KBTBD2: variants seen among roughly 807,000 people sequenced by gnomAD.
KBTBD2 encodes the protein kelch repeat and BTB domain containing 2, also known as kelch repeat and BTB domain-containing protein 2.
In KBTBD2, 17 loss-of-function variants were observed where a neutral mutation model predicts 57.1. The observed-to-expected ratio is 0.30, with a 90% CI of 0.20 to 0.45. KBTBD2 has a LOEUF of 0.45. Ranked by LOEUF, KBTBD2 falls within the 20% of genes least tolerant of loss-of-function variation. The pLI, the probability that KBTBD2 is intolerant of heterozygous loss-of-function variation, is 1.00. For missense variants in KBTBD2, 515 were observed against 750.6 expected (o/e 0.69, Z 3.67); for synonymous variants, 267 against 262.7 (o/e 1.02, Z -0.16).
At chr7:32,890,622 G>A (rs576936712) in intron 1 of KBTBD2, among the ~76,000 whole-genome samples, 15 of 152,208 alleles carry the variant, frequency 9.9e-5, no homozygotes, top group African/African-American at 3.4e-4. Context: ...CCGACGTACA[G>A]ATTCAAGTAT....
intron 2 of KBTBD2, among the ~76,000 whole-genome samples, chr7:32,877,109 C>G (rs1223930161): frequency 6.6e-6 from 1 of 152,136 alleles, no homozygotes; most frequent in Non-Finnish European, 1.5e-5. Context: ...ACACCCAACT[C>G]CCAGGTTCAA....
upstream of KBTBD2, chr7:32,891,790 C>G (rs866854132): frequency 2.0e-5 from 3 of 151,464 alleles, no homozygotes; most frequent in African/African-American, 7.3e-5. Flanking sequence ...CCTCAGGGCC[C>G]GACCACCGCC....
chr7:32,888,214 C>CT (rs745483964), intron 1 of KBTBD2, among the ~76,000 whole-genome samples: 83 of 150,722 alleles, frequency 5.5e-4, no homozygotes, highest in African/African-American at 1.7e-3. Flanking sequence ...ATAATTTTTC[C>CT]TTTTTTTTTC....
chr7:32,872,840 TAAAATCTGAA>T (rs1784214871), intron 3 of KBTBD2, among the ~76,000 whole-genome samples: 1 of 152,192 alleles, frequency 6.6e-6, no homozygotes, highest in Admixed American at 6.5e-5. Context: ...GCAAATATCC[TAAAATCTGAA>T]AAAATCTGAA....
At chr7:32,873,990 T>C (rs2127950009) in intron 3 of KBTBD2, among the ~76,000 whole-genome samples, 1 of 152,272 alleles carries the variant, frequency 6.6e-6, no homozygotes, top group South Asian at 2.1e-4. Context: ...GGGCCAGGCA[T>C]GGTGGTTCAT....
chr7:32,889,851 T>A (rs1784685438), intron 1 of KBTBD2, among the ~76,000 whole-genome samples: 1 of 152,220 alleles, frequency 6.6e-6, no homozygotes, highest in Admixed American at 6.5e-5. Context: ...AATGTTATCA[T>A]TTGGCTTTTA....
intron 1 of KBTBD2, among the ~76,000 whole-genome samples, chr7:32,889,064 A>T (rs994029394): frequency 6.6e-5 from 10 of 152,190 alleles, no homozygotes; most frequent in African/African-American, 2.4e-4. Flanking sequence ...AGTAAATCCC[A>T]GCACTTTGGG....
At chr7:32,881,227 C>T (rs1301445922) in intron 1 of KBTBD2, among the ~76,000 whole-genome samples, 1 of 151,424 alleles carries the variant, frequency 6.6e-6, no homozygotes, top group East Asian at 1.9e-4. Context: ...AAAACCTAGG[C>T]TTTAGTCATA....
At chr7:32,876,000 T>A (rs1018905729) in intron 2 of KBTBD2, among the ~76,000 whole-genome samples, 6 of 152,218 alleles carry the variant, frequency 3.9e-5, no homozygotes, top group African/African-American at 1.4e-4. Context: ...ATTATATACT[T>A]AAAATGGGTA....
intron 1 of KBTBD2, among the ~76,000 whole-genome samples, chr7:32,886,761 T>C (rs1290604670): frequency 6.6e-6 from 1 of 152,232 alleles, no homozygotes; most frequent in Non-Finnish European, 1.5e-5. Context: ...CCTGAAAGTC[T>C]ATCAGCAAAG....
intron 2 of KBTBD2, among the ~76,000 whole-genome samples, chr7:32,878,491 A>G (rs1003554425): frequency 6.6e-6 from 1 of 152,044 alleles, no homozygotes; most frequent in African/African-American, 2.4e-5. Flanking sequence ...GAGGCAGCAG[A>G]ATCACTTGAA....
rs1218576745 is a variant in KBTBD2, at chr7:32,869,285, T to TGTTTA, written c.*55_*59dup. The TGTTTA allele has an allele frequency of 6.2e-5, 78 of 1,259,570 alleles. No homozygotes were observed. In the African/African-American group the frequency reaches 1.1e-3, roughly 17 times the overall value. 78.0% of individuals were successfully genotyped at this position (1,259,570 alleles called of 1,614,324 possible). On this transcript the variant is annotated 3_prime_UTR_variant, in exon 4 of 4. Coordinates refer to ENST00000304056, the MANE Select transcript of KBTBD2 (RefSeq NM_015483.3). Reference sequence around the variant, plus strand: ...TATTTAGTTCTTTCATAGCCTCTTTTGTTTAGCAAAGAAAATGACAAAGCA... The same window carrying TGTTTA: ...TATTTAGTTCTTTCATAGCCTCTTTTGTTTAGTTTAGCAAAGAAAATGACAAAGCA...
At position 32,869,154 on chromosome 7, in the gene KBTBD2, T is replaced by C. The variant is rs778936704; in HGVS notation, c.*191A>G. On this transcript the variant is annotated 3_prime_UTR_variant, in exon 4 of 4. Coordinates refer to ENST00000304056, the MANE Select transcript of KBTBD2 (RefSeq NM_015483.3). ...TTATTGAATAATCTATTTCATATTATGGAAGCATATCTTTCTGTAAGACTC... is the reference window on the plus strand; with the variant it reads ...TTATTGAATAATCTATTTCATATTACGGAAGCATATCTTTCTGTAAGACTC... 2.5e-4 allele frequency: 130 copies of C among 515,786 alleles called. No individual in the cohort carries two copies. The highest frequency in any genetic ancestry group is 3.7e-4 in the Non-Finnish European group (109 of 294,370). The allele number at this position is 515,786 out of a possible 1,614,324, so 32.0% of individuals were successfully genotyped here.
chr7:32,874,091 T>C (rs1784249129), intron 3 of KBTBD2, among the ~76,000 whole-genome samples: 1 of 151,896 alleles, frequency 6.6e-6, no homozygotes, highest in Admixed American at 6.6e-5. Context: ...AGTGAGATCG[T>C]GTCTCTACAA....
chr7:32,886,906 A>G (rs981219611), intron 1 of KBTBD2, among the ~76,000 whole-genome samples: 9 of 152,012 alleles, frequency 5.9e-5, no homozygotes, highest in African/African-American at 2.2e-4. Flanking sequence ...AAATTTTTAA[A>G]AAATCCCAAA....
At chr7:32,880,550 T>TA (rs398066755) in intron 1 of KBTBD2, among the ~76,000 whole-genome samples, 73,720 of 146,682 alleles carry the variant, frequency 0.5, 20,274 homozygotes, top group Admixed American at 0.65. Context: ...ATATTTTACT[T>TA]AAAAAAAAAA....
At chr7:32,889,253 C>G (rs1172211660) in intron 1 of KBTBD2, among the ~76,000 whole-genome samples, 2 of 150,256 alleles carry the variant, frequency 1.3e-5, no homozygotes, top group African/African-American at 2.5e-5. Flanking sequence ...ATCGCGCCAC[C>G]GCACTCCAGC....
At position 32,869,187 on chromosome 7, in the gene KBTBD2, T is replaced by A; in HGVS notation, c.*158A>T. On this transcript the variant is annotated 3_prime_UTR_variant, in exon 4 of 4. Transcript: ENST00000304056. The stretch of plus-strand genomic sequence containing the variant: ...TATCTTTCTGTAAGACTCACTGATA[T>A]ATATTATACTGATGCAAATATTAAG... The A allele has an allele frequency of 1.8e-6, 1 of 560,320 alleles. No homozygotes were observed. Among genetic ancestry groups the A allele is most frequent in the Non-Finnish European group, 3.1e-6 (1 of 319,376 alleles). The allele number at this position is 560,320 out of a possible 1,614,324, so 34.7% of individuals were successfully genotyped here.
In KBTBD2 at chr7:32,870,326, C is replaced by T; in HGVS notation, c.891G>A (p.Lys297=). The stretch of plus-strand genomic sequence containing the variant: ...GCAAATCAGCTGGTGGGCTACATAA[C>T]TTGTAAACTTTTTCTGCTTGGGGGC... ...CYSPQAEKVY[K]LCSPPADLHK... is the part of the protein sequence containing the mutation. The change falls in exon 4 of 4, where the codon AAG becomes AAA. Residue 297 remains lysine (K), a synonymous_variant. Coordinates refer to ENST00000304056, the MANE Select transcript of KBTBD2 (RefSeq NM_015483.3). 6.2e-7 allele frequency: 1 copy of T among 1,613,862 alleles called. No individual in the cohort carries two copies. The highest frequency in any genetic ancestry group is 8.5e-7 in the Non-Finnish European group (1 of 1,179,912).
Sources: gnomAD v4.1 joint callset for allele counts (sites outside exome capture counted in the v4.1 genomes callset) on GRCh38, gnomAD v4.1.1 for gene constraint, MANE v1.5 for transcripts, NCBI Gene and HGNC (gene_info 2026-07-23, HGNC 2026-07-21) for gene names.